The following JARID2 variants were observed in gnomAD, a reference collection of about 807,000 sequenced individuals.
JARID2 encodes jumonji and AT-rich interaction domain containing 2.
Under a neutral mutation model 125.6 loss-of-function variants are expected in JARID2, and 21 were observed. The observed-to-expected ratio is 0.17, with a 90% CI of 0.12 to 0.24. The LOEUF is 0.24. Among genes scored for constraint, JARID2 ranks in the 10% least tolerant of loss-of-function variants. The pLI, the probability that JARID2 is intolerant of heterozygous loss-of-function variation, is 1.00. For missense variants in JARID2, 1,303 were observed against 1,639.6 expected, an observed-to-expected ratio of 0.79 and a Z score of 3.55; for synonymous variants, 736 against 661.6, an observed-to-expected ratio of 1.11 and a Z score of -1.73.
intron 1 of JARID2, among the ~76,000 whole-genome samples, chr6:15,249,790 A>C (rs1759368763): frequency 6.6e-6 from 1 of 152,156 alleles, no homozygotes; most frequent in Non-Finnish European, 1.5e-5. Context: ...TTTCGTAATA[A>C]ATGATGTCCT....
chr6:15,330,398 G>A (rs949939588), intron 1 of JARID2, among the ~76,000 whole-genome samples: 6 of 152,328 alleles, frequency 3.9e-5, no homozygotes, highest in African/African-American at 1.4e-4. Flanking sequence ...CACTTGTGTG[G>A]CCAGAGTTTG....
chr6:15,320,254 G>T (rs1581408250), intron 1 of JARID2, among the ~76,000 whole-genome samples: 1 of 152,208 alleles, frequency 6.6e-6, no homozygotes, highest in Non-Finnish European at 1.5e-5. Context: ...CAGTGACTTA[G>T]TATTCAGTTA....
At chr6:15,334,532 A>C (rs1375356859) in intron 1 of JARID2, among the ~76,000 whole-genome samples, 2 of 152,108 alleles carry the variant, frequency 1.3e-5, no homozygotes, top group Non-Finnish European at 2.9e-5. Flanking sequence ...TCTGGATTTG[A>C]CATAATTTTT....
intron 3 of JARID2, among the ~76,000 whole-genome samples, chr6:15,438,958 G>T (rs1180220707): frequency 2.0e-5 from 3 of 151,564 alleles, no homozygotes; most frequent in Non-Finnish European, 2.9e-5. Context: ...CTTCAACCCG[G>T]AAGGGGGAGG....
chr6:15,404,804 C>T (rs1375054316), intron 2 of JARID2, among the ~76,000 whole-genome samples: 1 of 152,166 alleles, frequency 6.6e-6, no homozygotes, highest in Non-Finnish European at 1.5e-5. Context: ...CCTCAAAGCC[C>T]TCCTTGTTTT....
chr6:15,312,421 C>T (rs970412809), intron 1 of JARID2, among the ~76,000 whole-genome samples: 3 of 152,210 alleles, frequency 2.0e-5, no homozygotes, highest in Non-Finnish European at 4.4e-5. Flanking sequence ...TTCAGGTGTA[C>T]ACTGTGATAA....
intron 16 of JARID2, among the ~76,000 whole-genome samples, chr6:15,515,641 C>G (rs1264742025): frequency 6.6e-6 from 1 of 151,742 alleles, no homozygotes; most frequent in Non-Finnish European, 1.5e-5. Flanking sequence ...AAAAAATTAA[C>G]TGGGTGTGGT....
chr6:15,328,276 A>G (rs374322009), intron 1 of JARID2, among the ~76,000 whole-genome samples: 1 of 152,088 alleles, frequency 6.6e-6, no homozygotes, highest in Non-Finnish European at 1.5e-5. Flanking sequence ...AGGATCTCCA[A>G]ATTCTCCAAA....
intron 1 of JARID2, among the ~76,000 whole-genome samples, chr6:15,301,189 T>C (rs72834553): frequency 0.025 from 3,820 of 152,218 alleles, 76 homozygotes; most frequent in Non-Finnish European, 0.04. Flanking sequence ...AAGAGGAAAA[T>C]CTGCAAAATG....
chr6:15,318,092 C>G (rs540253842), intron 1 of JARID2, among the ~76,000 whole-genome samples: 1 of 152,312 alleles, frequency 6.6e-6, no homozygotes, highest in South Asian at 2.1e-4. Context: ...TGCCTGTAGT[C>G]CCAGCTACTG....
intron 1 of JARID2, among the ~76,000 whole-genome samples, chr6:15,300,747 G>GAC: frequency 6.7e-6 from 1 of 149,850 alleles, no homozygotes; most frequent in Non-Finnish European, 1.5e-5. Context: ...GAGAGAGAGA[G>GAC]AGACAGAGAG....
rs190567644 is a variant in JARID2, at chr6:15,251,046, G to A, written c.45+4462G>A. Among the ~76,000 whole-genome samples the A allele has an allele frequency of 3.9e-3, 586 of 151,864 alleles. 4 individuals are homozygous for A. The highest frequency in any genetic ancestry group is 6.8e-3 in the Admixed American group (104 of 15,268). ...TGTTTCCTTTTTTTTTTGAGACAGG[G>A]TCTTGCTCAGCCACCCAGGCTGGAA... On this transcript the variant is annotated intron_variant, in intron 1 of 17. Transcript: ENST00000341776.
rs537323071 is a variant in JARID2, at chr6:15,444,557, G to C, written c.324-7449G>C. Among the ~76,000 whole-genome samples the C allele has an allele frequency of 1.7e-3, 260 of 152,080 alleles. 1 individual carries two copies. Among genetic ancestry groups the C allele is most frequent in the African/African-American group, 6.1e-3 (252 of 41,466 alleles). ...TGAGTGGCTGCCAGGTTTGTAGTGT[G>C]TGTGTCTGGGGGGCGAATGGAGTGG... On this transcript the variant is annotated intron_variant, in intron 3 of 17. Coordinates refer to ENST00000341776, the MANE Select transcript of JARID2 (RefSeq NM_004973.4).
chr6:15,304,930 CTTTA>C lies in JARID2; in HGVS notation c.45+58349_45+58352del, dbSNP rs1222087591. On this transcript the variant is annotated intron_variant, in intron 1 of 17. Coordinates refer to ENST00000341776, the MANE Select transcript of JARID2 (RefSeq NM_004973.4). ...CTGTTTCCAGCATGTGTTTCGCTCT[CTTTA>C]TTGGCCCTTTCAGCTGACTGCTTTT... 3.9e-5 allele frequency among the ~76,000 whole-genome samples: 6 copies of C among 151,996 alleles called. No individual in the cohort carries two copies. The South Asian group carries it at 6.2e-4, about 16-fold the overall frequency.
chr6:15,327,228 G>GT (rs1561794296), intron 1 of JARID2, among the ~76,000 whole-genome samples: 1 of 151,988 alleles, frequency 6.6e-6, no homozygotes, highest in Non-Finnish European at 1.5e-5. Context: ...AATAAAAATG[G>GT]TAACTTCTAG....
intron 2 of JARID2, among the ~76,000 whole-genome samples, chr6:15,390,490 A>C (rs1764958201): frequency 6.6e-6 from 1 of 152,172 alleles, no homozygotes; most frequent in African/African-American, 2.4e-5. Context: ...CCAAGGGAAT[A>C]GGTTAAGATT....
intron 1 of JARID2, among the ~76,000 whole-genome samples, chr6:15,349,724 G>A (rs895576073): frequency 1.3e-5 from 2 of 152,148 alleles, no homozygotes; most frequent in African/African-American, 2.4e-5. Flanking sequence ...CCTTACGCTA[G>A]TGCTGCATTC....
At chr6:15,376,186 G>C (rs1764347548) in intron 2 of JARID2, among the ~76,000 whole-genome samples, 1 of 152,174 alleles carries the variant, frequency 6.6e-6, no homozygotes, top group Admixed American at 6.5e-5. Context: ...GTTAGTTTTT[G>C]TCATGGTAGT....
chr6:15,250,742 C>A (rs779195175), intron 1 of JARID2, among the ~76,000 whole-genome samples: 1 of 152,150 alleles, frequency 6.6e-6, no homozygotes, highest in Non-Finnish European at 1.5e-5. Flanking sequence ...ATGCCTGTTT[C>A]CTCATAGTGG....
Sources: allele counts gnomAD v4.1 joint callset (sites outside exome capture counted in the v4.1 genomes callset), GRCh38; gene constraint gnomAD v4.1.1; transcripts MANE v1.5; gene names NCBI Gene and HGNC (gene_info 2026-07-23, HGNC 2026-07-21).